Variants in DRAM1 observed in about 807,000 individuals in gnomAD.
DRAM1 encodes the protein DNA damage regulated autophagy modulator 1, also known as DNA damage-regulated autophagy modulator protein 1.
DRAM1 carries 25 observed loss-of-function variants against 28.5 expected under a neutral mutation model. The ratio of observed to expected loss-of-function variants is 0.88; its 90% CI spans 0.64 to 1.23. DRAM1 has a LOEUF of 1.23. Ranked by LOEUF, DRAM1 falls within the 50% of genes most tolerant of loss-of-function variation. The pLI is 0.00. For synonymous variants in DRAM1, 113 were observed against 114.2 expected, an observed-to-expected ratio of 0.99 and a Z score of 0.07; for missense variants, 249 against 299.2, an observed-to-expected ratio of 0.83 and a Z score of 1.24.
intron 3 of DRAM1, among the ~76,000 whole-genome samples, chr12:101,903,745 A>ATC (rs978390969): frequency 2.0e-5 from 3 of 152,118 alleles, no homozygotes; most frequent in African/African-American, 7.2e-5. Context: ...CCTTGATTTA[A>ATC]TCATTCCACA....
chr12:101,901,078 GGTGTGT>G (rs67125604), intron 2 of DRAM1, among the ~76,000 whole-genome samples: 12,905 of 142,862 alleles, frequency 0.09, 563 homozygotes, highest in Admixed American at 0.1. Context: ...ACAGCCAAGG[GGTGTGT>G]GTGTGTGTGT....
chr12:101,879,692 G>A (rs990682681), intron 1 of DRAM1, among the ~76,000 whole-genome samples: 1 of 151,304 alleles, frequency 6.6e-6, no homozygotes, highest in African/African-American at 2.4e-5. Flanking sequence ...TTCTAGACTT[G>A]TGTAAAAGTA....
In DRAM1 at chr12:101,901,554, A is replaced by C. The variant is rs1873606405; in HGVS notation, c.342+121A>C. On this transcript the variant is annotated intron_variant, in intron 3 of 6. Transcript: ENST00000258534. The stretch of plus-strand genomic sequence containing the variant: ...GCCATTAAATGCTTGATGAGTTTAC[A>C]ATAAGTGGGTTAGTTTGCTTTTTAG... The C allele has an allele frequency of 2.3e-5, 28 of 1,228,990 alleles. 1 individual carries two copies. In the South Asian group the frequency reaches 4.1e-4, roughly 18 times the overall value. The allele number at this position is 1,228,990 out of a possible 1,614,324, so 76.1% of individuals were successfully genotyped here.
At chr12:101,896,686 A>G (rs1873387033) in intron 1 of DRAM1, among the ~76,000 whole-genome samples, 1 of 152,210 alleles carries the variant, frequency 6.6e-6, no homozygotes, top group Non-Finnish European at 1.5e-5. Context: ...GTTTTACAGA[A>G]ACCCTTTTTT....
At chr12:101,887,145 C>CTAAA (rs1872913603) in intron 1 of DRAM1, among the ~76,000 whole-genome samples, 28 of 128,908 alleles carry the variant, frequency 2.2e-4, no homozygotes, top group East Asian at 8.6e-4. Context: ...AACTCCGTTT[C>CTAAA]AAAAAAAAAA....
chr12:101,877,910 C>T lies in DRAM1; in HGVS notation c.121C>T (p.Pro41Ser). Residue 41 changes from proline (P) to serine (S), a missense_variant, in exon 1 of 7, where the codon CCG (proline) becomes TCG (serine). By Grantham distance (74) the Pro-to-Ser change is moderately conservative. Transcript: ENST00000258534. The surrounding 1 kb of genome is among the most constrained non-coding windows in gnomAD (Gnocchi z 4.1). ...CTCCGGGCACGTCAACCCCTTCCTC[C>T]CGTATATCAGGTGAGTGGCAGGGTG... ...VLSGHVNPFL[P>S]YISDTGTTPP... 1 of 1,536,824 alleles carries T rather than the reference C, an allele frequency of 6.5e-7. No homozygotes were observed. Among genetic ancestry groups the T allele is most frequent in the African/African-American group, 1.4e-5 (1 of 73,060 alleles).
rs755744641 is a variant in DRAM1 at position 101,921,292 on chromosome 12, G to A, written c.*32G>A. The A allele has an allele frequency of 4.5e-5, 72 of 1,582,638 alleles. No homozygotes were observed. Among genetic ancestry groups the A allele is most frequent in the Non-Finnish European group, 5.8e-5 (67 of 1,151,584 alleles). Reference sequence around the variant, plus strand: ...AAGAATTCAGTCTCACTCAGTGAATGTCGCAGGCCATTTCTAAAAGTGCTA... The same window carrying A: ...AAGAATTCAGTCTCACTCAGTGAATATCGCAGGCCATTTCTAAAAGTGCTA... On this transcript the variant is annotated 3_prime_UTR_variant, in exon 7 of 7. Coordinates refer to ENST00000258534, the MANE Select transcript of DRAM1 (RefSeq NM_018370.3).
intron 3 of DRAM1, chr12:101,901,698 G>T: frequency 2.8e-6 from 1 of 363,524 alleles, no homozygotes; most frequent in Non-Finnish European, 5.0e-6. Context: ...TGGCCAACAT[G>T]GTGAAGCCTC....
intron 1 of DRAM1, among the ~76,000 whole-genome samples, chr12:101,897,027 T>C (rs1190465408): frequency 6.6e-6 from 1 of 152,042 alleles, no homozygotes; most frequent in African/African-American, 2.4e-5. Flanking sequence ...CCTCAGGTGA[T>C]CCGCCCGCCT....
intron 1 of DRAM1, among the ~76,000 whole-genome samples, chr12:101,895,693 C>T (rs1429728156): frequency 1.3e-5 from 2 of 150,658 alleles, no homozygotes; most frequent in Non-Finnish European, 2.9e-5. Context: ...GCCTCAGCCT[C>T]CGGATTAGCT....
chr12:101,880,351 A>C (rs1872651970), intron 1 of DRAM1, among the ~76,000 whole-genome samples: 1 of 136,644 alleles, frequency 7.3e-6, no homozygotes, highest in Non-Finnish European at 1.5e-5. Flanking sequence ...GCAATGGTGC[A>C]ATCTCGGCTC....
At chr12:101,882,100 T>G (rs1272337459) in intron 1 of DRAM1, among the ~76,000 whole-genome samples, 1 of 149,642 alleles carries the variant, frequency 6.7e-6, no homozygotes, top group Non-Finnish European at 1.5e-5. Context: ...GTCATTCTGA[T>G]GGTCTAATTT....
intron 3 of DRAM1, among the ~76,000 whole-genome samples, chr12:101,906,890 AAG>A (rs1873835888): frequency 1.5e-5 from 2 of 132,594 alleles, no homozygotes; most frequent in African/African-American, 7.3e-5. Flanking sequence ...AAAAGAAAAG[AAG>A]GGAGCCAAAG....
chr12:101,882,184 C>T (rs1176820856), intron 1 of DRAM1, among the ~76,000 whole-genome samples: 1 of 148,388 alleles, frequency 6.7e-6, no homozygotes, highest in African/African-American at 2.5e-5. Context: ...TCTCGGCTCA[C>T]TGCAAGCTCC....
intron 4 of DRAM1, among the ~76,000 whole-genome samples, chr12:101,913,882 T>C (rs544043011): frequency 6.6e-6 from 1 of 152,110 alleles, no homozygotes; most frequent in Non-Finnish European, 1.5e-5. Flanking sequence ...TTGTGCAAAA[T>C]GTAGTGACAA....
chr12:101,884,352 A>G (rs1872803028), intron 1 of DRAM1, among the ~76,000 whole-genome samples: 1 of 140,910 alleles, frequency 7.1e-6, no homozygotes. Flanking sequence ...CTTGGGTGAC[A>G]GAGTGATACC....
At chr12:101,911,454 G>A (rs1184443088) in intron 4 of DRAM1, among the ~76,000 whole-genome samples, 1 of 152,174 alleles carries the variant, frequency 6.6e-6, no homozygotes, top group East Asian at 1.9e-4. Context: ...ATAAAGTCCA[G>A]GTTCCTCTGC....
At chr12:101,911,101 T>G (rs759676411) in intron 4 of DRAM1, among the ~76,000 whole-genome samples, 75 of 152,020 alleles carry the variant, frequency 4.9e-4, no homozygotes, top group Non-Finnish European at 1.0e-3. Flanking sequence ...CCAAGCGTGG[T>G]GGCGTATGCC....
intron 1 of DRAM1, chr12:101,890,018 C>T (rs538038273): frequency 6.9e-5 from 31 of 450,490 alleles, no homozygotes; most frequent in Admixed American, 3.8e-4. Context: ...ATGTGCCTGG[C>T]GGAATGTAGT....
Sources: gnomAD v4.1 joint callset for allele counts (sites outside exome capture counted in the v4.1 genomes callset) on GRCh38, gnomAD v4.1.1 for gene constraint, Gnocchi (gnomAD v3.1) non-coding constraint, MANE v1.5 for transcripts, NCBI Gene and HGNC (gene_info 2026-07-23, HGNC 2026-07-21) for gene names.